The following ARHGEF11 variants were observed in gnomAD, a reference collection of about 807,000 sequenced individuals.
ARHGEF11 encodes the protein Rho guanine nucleotide exchange factor 11.
In ARHGEF11, 55 loss-of-function variants were observed where a neutral mutation model predicts 193.7. The ratio of observed to expected loss-of-function variants is 0.28; its 90% CI spans 0.23 to 0.36. The LOEUF (loss-of-function observed/expected upper bound fraction) is 0.36, where lower values mean the gene tolerates loss of function less well. Among genes scored for constraint, ARHGEF11 ranks in the 10% least tolerant of loss-of-function variants. The probability of loss-of-function intolerance (pLI) is 1.00; values close to 1 mark genes in which losing one functional copy is unlikely to be tolerated. For missense variants in ARHGEF11, 1,723 were observed against 2,005.6 expected (o/e 0.86, Z 2.69); for synonymous variants, 693 against 768.0 (o/e 0.90, Z 1.62).
chr1:156,946,174 G>C lies in ARHGEF11; in HGVS notation c.2695-12C>G. 1.9e-6 allele frequency: 3 copies of C among 1,610,946 alleles called. No homozygotes were observed. The highest frequency in any genetic ancestry group is 2.5e-6 in the Non-Finnish European group (3 of 1,178,476). On this transcript the variant is annotated splice_polypyrimidine_tract_variant and intron_variant, in intron 28 of 40. Coordinates refer to ENST00000368194, the MANE Select transcript of ARHGEF11 (RefSeq NM_198236.3). ...TGGCTCTCAGCCTCCTAGACAGCAGGAGACACAGAAGGGAGGAGATGTCAG... is the reference window on the plus strand; with the variant it reads ...TGGCTCTCAGCCTCCTAGACAGCAGCAGACACAGAAGGGAGGAGATGTCAG...
chr1:156,957,966 T>C, intron 17 of ARHGEF11, 151 bp from the exon 18 acceptor site: 2 of 701,056 alleles, frequency 2.9e-6, no homozygotes, highest in South Asian at 1.6e-5. Flanking sequence ...AAGTATTTGG[T>C]ACATAGCAGG....
chr1:157,011,392 T>C (rs918945494), intron 1 of ARHGEF11, among the ~76,000 whole-genome samples: 1 of 152,004 alleles, frequency 6.6e-6, no homozygotes, highest in Non-Finnish European at 1.5e-5. Flanking sequence ...GAAGAAAACA[T>C]AGGAATAAAT....
At chr1:156,989,899 G>T (rs1325452143) in intron 1 of ARHGEF11, among the ~76,000 whole-genome samples, 1 of 151,918 alleles carries the variant, frequency 6.6e-6, no homozygotes. Flanking sequence ...GAAAATTGTA[G>T]ACATCATGAC....
chr1:157,043,826 A>G (rs1673045132), intron 1 of ARHGEF11, among the ~76,000 whole-genome samples: 1 of 152,200 alleles, frequency 6.6e-6, no homozygotes, highest in African/African-American at 2.4e-5. Flanking sequence ...ATTTCTAGAA[A>G]TGGGATCCAC....
chr1:156,974,533 G>A (rs988747758), intron 7 of ARHGEF11, among the ~76,000 whole-genome samples: 4 of 152,034 alleles, frequency 2.6e-5, no homozygotes, highest in Admixed American at 2.6e-4. Context: ...TGACATAAAC[G>A]TCACCATTTT....
chr1:156,956,325 A>ATTTTAATAGAGAT, intron 19 of ARHGEF11, 95 bp downstream of exon 19: 4 of 1,320,294 alleles, frequency 3.0e-6, no homozygotes, highest in Non-Finnish European at 3.2e-6. Context: ...CATGTTGCCC[A>ATTTTAATAGAGAT]GGCTGGTCTC....
At chr1:156,945,413 G>T in intron 29 of ARHGEF11, 1 of 562,488 alleles carries the variant, frequency 1.8e-6, no homozygotes, top group East Asian at 3.0e-5. Flanking sequence ...CTGCTTTGAA[G>T]ACGCTGATAG....
At position 156,937,404 on chromosome 1, in the gene ARHGEF11, G is replaced by A. The variant is rs1019024690; in HGVS notation, c.4285C>T (p.Leu1429Phe). ...TGAGGCTCTGTCTGCCCTGCAGGGAGGCTGTCAGGCTGAGGGGGGCTCATG... is the reference window on the plus strand; with the variant it reads ...TGAGGCTCTGTCTGCCCTGCAGGGAAGCTGTCAGGCTGAGGGGGGCTCATG... ...APMSPPQPDS[L>F]PAGQTEPQPQ... Residue 1429 changes from leucine (L) to phenylalanine (F), a missense_variant, in exon 39 of 41, where the codon CTC (leucine) becomes TTC (phenylalanine). Transcript: ENST00000368194. 2 of 1,594,314 alleles carry A rather than the reference G, an allele frequency of 1.3e-6. No homozygotes were observed. Among genetic ancestry groups the A allele is most frequent in the Middle Eastern group, 1.7e-4 (1 of 5,966 alleles).
At chr1:156,945,887 C>T (rs1658016727) in intron 29 of ARHGEF11, 158 bp downstream of exon 29, 3 of 609,088 alleles carry the variant, frequency 4.9e-6, no homozygotes, top group Middle Eastern at 4.4e-4. Flanking sequence ...AGGACATTTA[C>T]AATCATTTTC....
rs746411291 is a variant in ARHGEF11, at chr1:156,945,097, G to A, written c.2913C>T (p.His971=). 9.3e-6 allele frequency: 15 copies of A among 1,614,064 alleles called. No homozygotes were observed. The highest frequency in any genetic ancestry group is 3.3e-5 in the Admixed American group (2 of 60,008). The change falls in exon 30 of 41, where the codon CAC becomes CAT. Residue 971 remains histidine, a synonymous_variant. Coordinates refer to ENST00000368194, the MANE Select transcript of ARHGEF11 (RefSeq NM_198236.3). The stretch of plus-strand genomic sequence containing the variant: ...GGCGTTTCTGGTAGCCCTCTAAACG[G>A]TGGCGGTTCTCTGTTTGTTTTACCG... ...NEAVKQTENR[H]RLEGYQKRLD... is the part of the protein sequence containing the mutation.
chr1:157,022,283 G>A (rs1049453005), intron 1 of ARHGEF11, among the ~76,000 whole-genome samples: 3 of 151,976 alleles, frequency 2.0e-5, no homozygotes, highest in African/African-American at 7.3e-5. Flanking sequence ...GAAAATATAG[G>A]GAATCCACAA....
chr1:156,960,297 T>G lies in ARHGEF11; in HGVS notation c.1282+121A>C. ...AGCAATCATCCCATGGGTCTTTTCCTCTATTACAGGACGGTTGCCCAAGGA... is the reference window on the plus strand; with the variant it reads ...AGCAATCATCCCATGGGTCTTTTCCGCTATTACAGGACGGTTGCCCAAGGA... On this transcript the variant is annotated intron_variant, in intron 15 of 40. Transcript: ENST00000368194. The G allele has an allele frequency of 7.6e-6, 7 of 924,228 alleles. No homozygotes were observed. The South Asian group carries it at 1.0e-4, about 14-fold the overall frequency. The allele number at this position is 924,228 out of a possible 1,614,324, so 57.3% of individuals were successfully genotyped here.
rs757936927 is a variant in ARHGEF11 at position 156,971,844 on chromosome 1, G to A, written c.583-28C>T. On this transcript the variant is annotated intron_variant, in intron 7 of 40. Transcript: ENST00000368194. ...AGGGATGGGTGAGGAGGAGAAGGGGGAGGGGAAAAGGCAGAGGGGTGGTTA... is the reference window on the plus strand; with the variant it reads ...AGGGATGGGTGAGGAGGAGAAGGGGAAGGGGAAAAGGCAGAGGGGTGGTTA... The A allele has an allele frequency of 6.2e-6, 10 of 1,602,312 alleles. No homozygotes were observed. In the Admixed American group the frequency reaches 1.7e-4, roughly 27 times the overall value.
Position 156,977,005 on chromosome 1 carries a change from C to T in ARHGEF11, c.560G>A (p.Arg187Lys). Reference sequence around the variant, plus strand: ...TACCTGTAATTCTTTTTCTTCCTGCCTCAGCATATTCCTGAGGATCTGGGT... The same window carrying T: ...TACCTGTAATTCTTTTTCTTCCTGCTTCAGCATATTCCTGAGGATCTGGGT... ...HATQILRNML[R>K]QEEKELQRIC... Residue 187 changes from arginine (R) to lysine (K), a missense_variant, in exon 7 of 41, where the codon AGG becomes AAG. Physicochemically the swap from Arg to Lys is conservative, Grantham distance 26. Coordinates refer to ENST00000368194, the MANE Select transcript of ARHGEF11 (RefSeq NM_198236.3). 1 of 1,614,116 alleles carries T rather than the reference C, an allele frequency of 6.2e-7. No individual in the cohort carries two copies. Among genetic ancestry groups the T allele is most frequent in the Non-Finnish European group, 8.5e-7 (1 of 1,180,008 alleles).
chr1:156,956,674 A>G (rs1049620754), intron 18 of ARHGEF11, 110 bp from the exon 19 acceptor site: 2 of 1,473,930 alleles, frequency 1.4e-6, no homozygotes, highest in African/African-American at 2.8e-5. Context: ...GTTACAGGTG[A>G]AAGTATTCAA....
intron 11 of ARHGEF11, 22 bp from the exon 12 acceptor site, chr1:156,963,616 C>T (rs375485750): frequency 4.6e-5 from 74 of 1,611,602 alleles, no homozygotes; most frequent in Non-Finnish European, 5.9e-5. Context: ...AGTCAAATTG[C>T]AGAGATGAGA....
At chr1:157,022,216 C>T (rs900818234) in intron 1 of ARHGEF11, among the ~76,000 whole-genome samples, 1 of 152,084 alleles carries the variant, frequency 6.6e-6, no homozygotes, top group African/African-American at 2.4e-5. Flanking sequence ...AATAGCCATC[C>T]ACGTGGGAAA....
In ARHGEF11 at chr1:156,968,091, G is replaced by C. The variant is rs202015442; in HGVS notation, c.859C>G (p.Pro287Ala). 2 of 1,613,470 alleles carry C rather than the reference G, an allele frequency of 1.2e-6. No homozygotes were observed. The highest frequency in any genetic ancestry group is 2.2e-5 in the East Asian group (1 of 44,858). Reference sequence around the variant, plus strand: ...GAGGTTCGAGGACTGTCTAGCCCAGGGTCTGACAGTACCGAGTTCCGATTC... The same window carrying C: ...GAGGTTCGAGGACTGTCTAGCCCAGCGTCTGACAGTACCGAGTTCCGATTC... ...LMNRNSVLSD[P>A]GLDSPRTSPV... Residue 287 changes from proline (P) to alanine (A), a missense_variant, in exon 11 of 41, where the codon CCT (proline) becomes GCT (alanine). Pro to Ala is a conservative substitution (Grantham distance 27). Transcript: ENST00000368194.
At chr1:157,001,953 T>C (rs1410586270) in intron 1 of ARHGEF11, among the ~76,000 whole-genome samples, 3 of 152,212 alleles carry the variant, frequency 2.0e-5, no homozygotes, top group African/African-American at 7.2e-5. Context: ...AAATAAAGTA[T>C]CCTAAAGGTT....
Sources: gnomAD v4.1 joint callset for allele counts (sites outside exome capture counted in the v4.1 genomes callset) on GRCh38, gnomAD v4.1.1 for gene constraint, MANE v1.5 for transcripts, NCBI Gene and HGNC (gene_info 2026-07-23, HGNC 2026-07-21) for gene names.